DYM: variants seen among roughly 807,000 people sequenced by gnomAD.
DYM encodes dymeclin, also known as dyggve-Melchior-Clausen syndrome protein.
Under a neutral mutation model 93.1 loss-of-function variants are expected in DYM, and 78 were observed. That is an observed-to-expected ratio of 0.84 (90% CI 0.70 to 1.01). The LOEUF (loss-of-function observed/expected upper bound fraction) is 1.01, where lower values mean the gene tolerates loss of function less well. Ranked by LOEUF, DYM falls within the 50% of genes least tolerant of loss-of-function variation. DYM has a pLI of 0.00. For synonymous variants in DYM, 321 were observed against 319.7 expected, an observed-to-expected ratio of 1.00 and a Z score of -0.04; for missense variants, 789 against 845.0, an observed-to-expected ratio of 0.93 and a Z score of 0.82.
At chr18:49,202,852 G>C (rs1468782640) in intron 14 of DYM, among the ~76,000 whole-genome samples, 1 of 96,742 alleles carries the variant, frequency 1.0e-5, no homozygotes, top group Non-Finnish European at 2.3e-5. Flanking sequence ...ACCCCATCTG[G>C]GAAGTGAGGA....
chr18:49,389,103 T>G (rs950048681), intron 3 of DYM, among the ~76,000 whole-genome samples: 1 of 152,204 alleles, frequency 6.6e-6, no homozygotes, highest in African/African-American at 2.4e-5. Flanking sequence ...ATAATACCAT[T>G]TATATGAAAT....
intron 14 of DYM, among the ~76,000 whole-genome samples, chr18:49,165,552 T>G (rs2087757871): frequency 6.6e-6 from 1 of 152,116 alleles, no homozygotes; most frequent in Non-Finnish European, 1.5e-5. Context: ...GGCCACTAAG[T>G]AGTCTTTGTA....
At chr18:49,252,391 G>C (rs756769419) in intron 13 of DYM, among the ~76,000 whole-genome samples, 2 of 151,972 alleles carry the variant, frequency 1.3e-5, no homozygotes, top group Non-Finnish European at 2.9e-5. Context: ...AGGGAGAAGA[G>C]TGGCACAGCC....
intron 16 of DYM, among the ~76,000 whole-genome samples, chr18:49,101,571 T>C (rs923905098): frequency 6.6e-6 from 1 of 152,198 alleles, no homozygotes; most frequent in Non-Finnish European, 1.5e-5. Flanking sequence ...GGAGCTAGTA[T>C]GTGCTCCTCA....
intron 9 of DYM, among the ~76,000 whole-genome samples, chr18:49,286,140 T>A (rs957872372): frequency 6.6e-6 from 1 of 152,014 alleles, no homozygotes; most frequent in African/African-American, 2.4e-5. Flanking sequence ...AGCATTTGGG[T>A]TTTCCAGGTT....
At chr18:49,215,891 C>G (rs1353516351) in intron 13 of DYM, among the ~76,000 whole-genome samples, 1 of 152,136 alleles carries the variant, frequency 6.6e-6, no homozygotes, top group Non-Finnish European at 1.5e-5. Flanking sequence ...GAGTGCCAGA[C>G]AGTGGGTGCA....
At chr18:49,453,327 G>T (rs1197029748) in intron 1 of DYM, among the ~76,000 whole-genome samples, 1 of 152,136 alleles carries the variant, frequency 6.6e-6, no homozygotes, top group Non-Finnish European at 1.5e-5. Flanking sequence ...AACCAGCAGT[G>T]GCAACCGGCT....
intron 14 of DYM, among the ~76,000 whole-genome samples, chr18:49,183,160 G>A (rs928347922): frequency 1.3e-5 from 2 of 152,060 alleles, no homozygotes; most frequent in Non-Finnish European, 2.9e-5. Flanking sequence ...ACGTATTTGA[G>A]GGGAAATTTT....
chr18:49,193,307 T>A (rs1281099793), intron 14 of DYM, among the ~76,000 whole-genome samples: 2 of 151,768 alleles, frequency 1.3e-5, no homozygotes, highest in South Asian at 2.1e-4. Flanking sequence ...AAAAAAAAAA[T>A]ATTTTGTATG....
At chr18:49,254,666 T>C (rs1291849465) in intron 13 of DYM, among the ~76,000 whole-genome samples, 1 of 152,244 alleles carries the variant, frequency 6.6e-6, no homozygotes, top group African/African-American at 2.4e-5. Flanking sequence ...CAAAAACATT[T>C]AATCGTGCTA....
At chr18:49,235,742 A>C (rs2093840450) in intron 13 of DYM, among the ~76,000 whole-genome samples, 1 of 149,026 alleles carries the variant, frequency 6.7e-6, no homozygotes, top group African/African-American at 2.5e-5. Flanking sequence ...ATAAAAGTAA[A>C]ATTTCCAGTA....
intron 16 of DYM, among the ~76,000 whole-genome samples, chr18:49,107,817 C>T (rs937489889): frequency 6.6e-6 from 1 of 152,222 alleles, no homozygotes; most frequent in South Asian, 2.1e-4. Context: ...TCTGCCCCTA[C>T]TGGGGGGTGC....
intron 14 of DYM, among the ~76,000 whole-genome samples, chr18:49,185,206 C>G (rs1364010238): frequency 2.0e-5 from 3 of 152,106 alleles, no homozygotes; most frequent in African/African-American, 7.2e-5. Context: ...TCCCCCATCC[C>G]CAAGAAAAGT....
intron 17 of DYM, among the ~76,000 whole-genome samples, chr18:49,085,413 A>T (rs2078422695): frequency 6.6e-6 from 1 of 152,132 alleles, no homozygotes; most frequent in Non-Finnish European, 1.5e-5. Context: ...ACCATTTTTA[A>T]TGTTAGGGTT....
chr18:49,046,303 G>A (rs189617), intron 17 of DYM, among the ~76,000 whole-genome samples: 131,757 of 147,280 alleles, frequency 0.89, 58,227 homozygotes, highest in East Asian at 0.96. Flanking sequence ...ACATGCGCGC[G>A]CACACACACA....
chr18:49,166,958 T>C (rs57549329), intron 14 of DYM, among the ~76,000 whole-genome samples: 8,150 of 151,276 alleles, frequency 0.054, 730 homozygotes, highest in African/African-American at 0.19. Context: ...TTCCTGAGTT[T>C]AGCAAACCTG....
intron 15 of DYM, among the ~76,000 whole-genome samples, chr18:49,134,398 T>C (rs1423063389): frequency 1.3e-5 from 2 of 152,186 alleles, no homozygotes; most frequent in African/African-American, 4.8e-5. Flanking sequence ...CAAATTAAAA[T>C]AGAAAAGCAA....
intron 17 of DYM, among the ~76,000 whole-genome samples, chr18:49,090,245 G>A (rs2078923314): frequency 6.6e-6 from 1 of 152,202 alleles, no homozygotes; most frequent in Non-Finnish European, 1.5e-5. Context: ...CACTGTGATT[G>A]TTGAATTCTG....
At chr18:49,246,550 A>G (rs1329623210) in intron 13 of DYM, among the ~76,000 whole-genome samples, 1 of 137,144 alleles carries the variant, frequency 7.3e-6, no homozygotes, top group Non-Finnish European at 1.5e-5. Context: ...AACCTAGATG[A>G]CTTGGTTTTT....
Sources: allele counts gnomAD v4.1 joint callset (sites outside exome capture counted in the v4.1 genomes callset), GRCh38; gene constraint gnomAD v4.1.1; transcripts MANE v1.5; gene names NCBI Gene and HGNC (gene_info 2026-07-23, HGNC 2026-07-21).